USP34: variants seen among roughly 807,000 people sequenced by gnomAD.
The protein encoded by USP34 is ubiquitin specific peptidase 34.
Under a neutral mutation model 460.3 loss-of-function variants are expected in USP34, and 70 were observed. The ratio of observed to expected loss-of-function variants is 0.15; its 90% confidence interval spans 0.13 to 0.19. USP34 has a LOEUF of 0.19. Among genes scored for constraint, USP34 ranks in the 10% least tolerant of loss-of-function variants. The pLI, the probability that USP34 is intolerant of heterozygous loss-of-function variation, is 1.00. For missense variants in USP34, 3,985 were observed against 4,236.2 expected, an observed-to-expected ratio of 0.94 and a Z score of 1.65; for synonymous variants, 1,647 against 1,405.3, an observed-to-expected ratio of 1.17 and a Z score of -3.85.
At chr2:61,390,215 A>C (rs1465126038) in intron 5 of USP34, among the ~76,000 whole-genome samples, 1 of 152,098 alleles carries the variant, frequency 6.6e-6, no homozygotes, top group Non-Finnish European at 1.5e-5. Context: ...AATAAAATAA[A>C]CCCCTTGTCT....
At chr2:61,372,984 T>C (rs1473808667) in intron 8 of USP34, among the ~76,000 whole-genome samples, 2 of 151,792 alleles carry the variant, frequency 1.3e-5, no homozygotes, top group Admixed American at 6.6e-5. Flanking sequence ...TTTAAAGGAG[T>C]AAGAGAAAAA....
intron 75 of USP34, among the ~76,000 whole-genome samples, chr2:61,197,320 A>G (rs1003666833): frequency 2.6e-5 from 4 of 152,114 alleles, no homozygotes; most frequent in African/African-American, 9.7e-5. Flanking sequence ...GGTATGTCAG[A>G]TCATTATATT....
intron 3 of USP34, among the ~76,000 whole-genome samples, chr2:61,405,128 G>A (rs569618544): frequency 1.3e-5 from 2 of 151,120 alleles, no homozygotes; most frequent in African/African-American, 2.4e-5. Context: ...AACTACTTGG[G>A]AGGCTGAGGC....
chr2:61,394,372 C>G (rs568936640), intron 5 of USP34, among the ~76,000 whole-genome samples: 1 of 151,808 alleles, frequency 6.6e-6, no homozygotes, highest in African/African-American at 2.4e-5. Context: ...ATGGCCTGGG[C>G]AACATGGTAA....
chr2:61,200,749 A>C (rs891571675), intron 75 of USP34: 1 of 152,272 alleles, frequency 6.6e-6, no homozygotes. Flanking sequence ...GAAATTATAC[A>C]AATTAAAATT....
chr2:61,363,843 ATACAG>A (rs59634175), intron 10 of USP34, among the ~76,000 whole-genome samples: 50,386 of 151,742 alleles, frequency 0.33, 8,394 homozygotes, highest in Non-Finnish European at 0.37. Flanking sequence ...CAGTATATAC[ATACAG>A]TAGAGTATTA....
intron 23 of USP34, among the ~76,000 whole-genome samples, chr2:61,315,772 G>GC (rs1690725018): frequency 6.6e-6 from 1 of 152,162 alleles, no homozygotes; most frequent in African/African-American, 2.4e-5. Flanking sequence ...CAAAAGTTGG[G>GC]CAGAGTAAAG....
At chr2:61,415,258 CA>C (rs944232185) in intron 2 of USP34, among the ~76,000 whole-genome samples, 9 of 151,712 alleles carry the variant, frequency 5.9e-5, no homozygotes, top group African/African-American at 2.2e-4. Context: ...GGGTTATGAC[CA>C]GGGGTGGGGG....
At chr2:61,429,248 C>A (rs1694595872) in intron 1 of USP34, among the ~76,000 whole-genome samples, 1 of 151,978 alleles carries the variant, frequency 6.6e-6, no homozygotes, top group Non-Finnish European at 1.5e-5. Context: ...GAGATCGAGA[C>A]CATCCTGGCT....
intron 75 of USP34, among the ~76,000 whole-genome samples, chr2:61,196,499 A>G (rs1686813596): frequency 6.6e-6 from 1 of 151,892 alleles, no homozygotes; most frequent in Non-Finnish European, 1.5e-5. Flanking sequence ...TGCTAGGATT[A>G]TGGGCATGAG....
chr2:61,347,734 T>C, intron 15 of USP34, 136 bp downstream of exon 15: 1 of 1,446,642 alleles, frequency 6.9e-7, no homozygotes, highest in Non-Finnish European at 9.1e-7. Context: ...AATTATCTAT[T>C]TGTAGCTTAC....
At chr2:61,433,793 G>C (rs1365270260) in intron 1 of USP34, among the ~76,000 whole-genome samples, 4 of 152,096 alleles carry the variant, frequency 2.6e-5, no homozygotes, top group Non-Finnish European at 5.9e-5. Context: ...AACAAGCTGT[G>C]GCAGTGCAAC....
In USP34 at chr2:61,311,613, T is replaced by C. The variant is rs368420268; in HGVS notation, c.3744A>G (p.Leu1248=). The C allele has an allele frequency of 2.5e-6, 4 of 1,613,674 alleles. No homozygotes were observed. Among genetic ancestry groups the C allele is most frequent in the African/African-American group, 1.3e-5 (1 of 74,920 alleles). ...RAEVTHWYEN[L]QKEQINQQAQ... ...CTTGTTGATTTATTTGTTCTTTCTG[T>C]AAATTTTCATACCAATGAGTTACTT... Residue 1248 remains leucine (L), a synonymous_variant, in exon 27 of 80, where the codon TTA becomes TTG. Transcript: ENST00000398571.
chr2:61,373,990 A>G (rs1692713068), intron 8 of USP34, among the ~76,000 whole-genome samples: 1 of 152,014 alleles, frequency 6.6e-6, no homozygotes, highest in African/African-American at 2.4e-5. Context: ...CCCTGTCTCT[A>G]ATGAAAAATA....
At chr2:61,302,977 T>C (rs1321655371) in intron 27 of USP34, among the ~76,000 whole-genome samples, 1 of 152,252 alleles carries the variant, frequency 6.6e-6, no homozygotes, top group Non-Finnish European at 1.5e-5. Context: ...CTTTACAATA[T>C]TCTGTACAGA....
chr2:61,314,505 G>C (rs929971626), intron 25 of USP34, 80 bp downstream of exon 25: 1 of 1,279,976 alleles, frequency 7.8e-7, no homozygotes, highest in African/African-American at 1.5e-5. Flanking sequence ...AAAAACTTTA[G>C]ATTCACTTTA....
At chr2:61,335,324 A>G (rs1558535513) in intron 18 of USP34, among the ~76,000 whole-genome samples, 2 of 152,210 alleles carry the variant, frequency 1.3e-5, no homozygotes, top group Non-Finnish European at 2.9e-5. Context: ...AAAACTAACA[A>G]AAGCATAAAA....
intron 19 of USP34, 74 bp from the exon 20 acceptor site, chr2:61,331,445 T>C (rs1308338186): frequency 2.5e-6 from 3 of 1,181,528 alleles, no homozygotes; most frequent in Non-Finnish European, 3.4e-6. Context: ...TGACAGTAAA[T>C]ATGCAAATCT....
chr2:61,306,514 G>T (rs1690409315), intron 27 of USP34, among the ~76,000 whole-genome samples: 1 of 152,172 alleles, frequency 6.6e-6, no homozygotes. Context: ...GATGCCTCCA[G>T]CTTTGTTCTT....
Sources: gnomAD v4.1 joint callset for allele counts (sites outside exome capture counted in the v4.1 genomes callset) on GRCh38, gnomAD v4.1.1 for gene constraint, MANE v1.5 for transcripts, NCBI Gene and HGNC (gene_info 2026-07-23, HGNC 2026-07-21) for gene names.